Variants in KLHL24 observed in about 807,000 individuals in gnomAD.
The protein encoded by KLHL24 is kelch like family member 24.
A neutral mutation model predicts 53.4 loss-of-function variants in KLHL24; 29 were observed. The observed-to-expected ratio is 0.54, with a 90% CI of 0.40 to 0.74. The LOEUF is 0.74. Among genes scored for constraint, KLHL24 ranks in the 30% least tolerant of loss-of-function variants. KLHL24 has a pLI of 0.00. For missense variants in KLHL24, 504 were observed against 744.0 expected (o/e 0.68, Z 3.75); for synonymous variants, 222 against 253.7 (o/e 0.88, Z 1.19).
intron 5 of KLHL24, among the ~76,000 whole-genome samples, chr3:183,668,985 C>A (rs765117530): frequency 3.9e-5 from 6 of 151,952 alleles, no homozygotes; most frequent in Non-Finnish European, 8.8e-5. Flanking sequence ...TTATAAATAA[C>A]CCCAAAGAGA....
intron 5 of KLHL24, among the ~76,000 whole-genome samples, chr3:183,668,192 G>A (rs533774658): frequency 6.6e-6 from 1 of 152,036 alleles, no homozygotes; most frequent in East Asian, 1.9e-4. Flanking sequence ...TATAGTGTTT[G>A]AGGCTGTGCC....
rs1491260880 is a variant in KLHL24, at chr3:183,676,909, GGT to G, written c.1603-2176_1603-2175del. Among the ~76,000 whole-genome samples the G allele has an allele frequency of 7.2e-5, 9 of 124,680 alleles. No homozygotes were observed. In the East Asian group the frequency reaches 8.0e-4, roughly 11 times the overall value. The allele number at this position is 124,680 out of a possible 152,430, so 81.8% of individuals were successfully genotyped here. A position where few individuals can be genotyped will look rare whatever the true frequency, so the allele number is the denominator to read the frequency against. ...TACAAAAATAACGAGAGGGTTTTTTGGTTTTTTTTTTTTTTCTTTGCAATGTT... is the reference window on the plus strand; with the variant it reads ...TACAAAAATAACGAGAGGGTTTTTTGTTTTTTTTTTTTTCTTTGCAATGTT... On this transcript the variant is annotated intron_variant, in intron 7 of 7. Coordinates refer to ENST00000242810, the MANE Select transcript of KLHL24 (RefSeq NM_017644.3).
chr3:183,671,293 T>A, intron 6 of KLHL24, 71 bp downstream of exon 6: 1 of 1,388,486 alleles, frequency 7.2e-7, no homozygotes, highest in South Asian at 1.4e-5. Context: ...GCTTATCAAG[T>A]AGGTAGCCAG....
chr3:183,659,661 C>T (rs1443744668), intron 3 of KLHL24, among the ~76,000 whole-genome samples: 1 of 152,270 alleles, frequency 6.6e-6, no homozygotes, highest in Non-Finnish European at 1.5e-5. Flanking sequence ...CTCTCTACCT[C>T]TTGCCTCTGC....
At chr3:183,667,141 C>A (rs1412377799) in intron 5 of KLHL24, among the ~76,000 whole-genome samples, 1 of 152,152 alleles carries the variant, frequency 6.6e-6, no homozygotes, top group Non-Finnish European at 1.5e-5. Flanking sequence ...TATACTAGGC[C>A]AGTCGTGGTG....
At chr3:183,645,330 T>C (rs2108776887) in intron 2 of KLHL24, among the ~76,000 whole-genome samples, 1 of 152,354 alleles carries the variant, frequency 6.6e-6, no homozygotes, top group South Asian at 2.1e-4. Context: ...TTTCTGTTTA[T>C]AAAATGGTTA....
intron 3 of KLHL24, among the ~76,000 whole-genome samples, chr3:183,652,310 G>T (rs1718235863): frequency 6.6e-6 from 1 of 152,068 alleles, no homozygotes; most frequent in African/African-American, 2.4e-5. Context: ...TAATCTCCAT[G>T]CCTTAATAGT....
chr3:183,646,303 A>G (rs1717226785), intron 2 of KLHL24, among the ~76,000 whole-genome samples: 1 of 143,934 alleles, frequency 6.9e-6, no homozygotes, highest in African/African-American at 2.6e-5. Context: ...TGGAGGTTGC[A>G]GTGAGCCGAG....
chr3:183,636,605 A>G (rs1715259918), intron 1 of KLHL24: 1 of 152,272 alleles, frequency 6.6e-6, no homozygotes, highest in Non-Finnish European at 1.5e-5. Context: ...CCCCGGGTGA[A>G]GACTGTTAAC....
At chr3:183,637,330 T>C (rs113459247) in intron 1 of KLHL24, among the ~76,000 whole-genome samples, 11 of 152,334 alleles carry the variant, frequency 7.2e-5, no homozygotes, top group Non-Finnish European at 1.3e-4. Context: ...AAAGATAGTT[T>C]GAAGATACTC....
At chr3:183,674,247 CTT>C (rs751214550) in intron 7 of KLHL24, among the ~76,000 whole-genome samples, 2 of 88,474 alleles carry the variant, frequency 2.3e-5, no homozygotes, top group East Asian at 3.2e-4. Context: ...CATCAATTTT[CTT>C]TCTTTCTTTC....
At chr3:183,673,536 G>T (rs1350297989) in intron 7 of KLHL24, among the ~76,000 whole-genome samples, 2 of 152,052 alleles carry the variant, frequency 1.3e-5, no homozygotes. Context: ...AAAGGAAATG[G>T]CTGTGCTCAC....
chr3:183,671,350 C>T, intron 6 of KLHL24, 128 bp downstream of exon 6: 1 of 658,228 alleles, frequency 1.5e-6, no homozygotes, highest in Non-Finnish European at 2.4e-6. Flanking sequence ...GTACTATATG[C>T]TTTTGGAGAA....
At chr3:183,640,600 CTTTTTTTTTT>C (rs761361160) in intron 1 of KLHL24, among the ~76,000 whole-genome samples, 128 of 61,664 alleles carry the variant, frequency 2.1e-3, no homozygotes, top group African/African-American at 0.012. Flanking sequence ...TTTCTTTTTT[CTTTTTTTTTT>C]TTTTTTTGAG....
chr3:183,664,653 A>G (rs1255439479), intron 4 of KLHL24, among the ~76,000 whole-genome samples: 1 of 151,996 alleles, frequency 6.6e-6, no homozygotes. Context: ...ACAATCTTTT[A>G]TGTTTGTAAA....
At chr3:183,669,263 A>G (rs999117531) in intron 5 of KLHL24, among the ~76,000 whole-genome samples, 1 of 152,050 alleles carries the variant, frequency 6.6e-6, no homozygotes, top group African/African-American at 2.4e-5. Context: ...GAGGCAGGAG[A>G]ATCCCTTGAA....
intron 2 of KLHL24, among the ~76,000 whole-genome samples, chr3:183,646,508 C>T (rs2108781015): frequency 6.6e-6 from 1 of 152,062 alleles, no homozygotes; most frequent in Non-Finnish European, 1.5e-5. Flanking sequence ...TTTACCTGCA[C>T]ATTTGGGGGA....
At chr3:183,673,847 C>G (rs1188220250) in intron 7 of KLHL24, among the ~76,000 whole-genome samples, 1 of 152,222 alleles carries the variant, frequency 6.6e-6, no homozygotes, top group Non-Finnish European at 1.5e-5. Context: ...TTTCCTGAAT[C>G]ATCTCATTTA....
intron 3 of KLHL24, among the ~76,000 whole-genome samples, chr3:183,660,178 C>G (rs1306055594): frequency 6.7e-6 from 1 of 149,946 alleles, no homozygotes; most frequent in African/African-American, 2.5e-5. Context: ...GTCACCCAGC[C>G]TAGAGTGCAG....
Sources: allele counts gnomAD v4.1 joint callset (sites outside exome capture counted in the v4.1 genomes callset), GRCh38; gene constraint gnomAD v4.1.1; transcripts MANE v1.5; gene names NCBI Gene and HGNC (gene_info 2026-07-23, HGNC 2026-07-21).